The following ARL8B variants were observed in gnomAD, a reference collection of about 807,000 sequenced individuals.
ARL8B encodes the protein ADP-ribosylation factor-like protein 8B.
Under a neutral mutation model 30.6 loss-of-function variants are expected in ARL8B, and 9 were observed. The observed-to-expected ratio is 0.29, with a 90% confidence interval of 0.18 to 0.51. The LOEUF is 0.51. Ranked by LOEUF, ARL8B falls within the 20% of genes least tolerant of loss-of-function variation. The pLI, the probability that ARL8B is intolerant of heterozygous loss-of-function variation, is 0.97. For synonymous variants in ARL8B, 74 were observed against 76.0 expected (o/e 0.97, Z 0.14); for missense variants, 130 against 227.2 (o/e 0.57, Z 2.75).
At chr3:5,176,126 G>A (rs554281804) in intron 6 of ARL8B, among the ~76,000 whole-genome samples, 145 of 152,312 alleles carry the variant, frequency 9.5e-4, no homozygotes, top group African/African-American at 3.4e-3. Context: ...AATAGTACCA[G>A]AATAGTATAT....
chr3:5,122,417 C>A lies in ARL8B; in HGVS notation c.-49C>A, dbSNP rs1438410347. 6.2e-7 allele frequency: 1 copy of A among 1,608,646 alleles called. No homozygotes were observed. Reference sequence around the variant, plus strand: ...GGCCCGCTCGTGTGGAAGTCGTCGACGCCGCCGCTCGTCCGTCCTCCCGTC... The same window carrying A: ...GGCCCGCTCGTGTGGAAGTCGTCGAAGCCGCCGCTCGTCCGTCCTCCCGTC... On this transcript the variant is annotated 5_prime_UTR_variant, in exon 1 of 7. Coordinates refer to ENST00000256496, the MANE Select transcript of ARL8B (RefSeq NM_018184.3).
intron 1 of ARL8B, among the ~76,000 whole-genome samples, chr3:5,129,539 T>C (rs1358632269): frequency 6.6e-6 from 1 of 152,166 alleles, no homozygotes; most frequent in Non-Finnish European, 1.5e-5. Context: ...CTGATAACTA[T>C]AGAGAACATA....
rs763392421 is a variant in ARL8B at position 5,172,690 on chromosome 3, C to G, written c.322C>G (p.Arg108Gly). ...AADREKIEAS[R>G]NELHNLLDKP... ...AGATCGTGAAAAGATAGAAGCTTCC[C>G]GAAATGAGCTACATAATCTTCTAGA... The change falls in exon 4 of 7, where the codon CGA becomes GGA. Residue 108 changes from arginine to glycine, a missense_variant. Arg to Gly is a moderately radical substitution (Grantham distance 125). Transcript: ENST00000256496. 1.9e-6 allele frequency: 3 copies of G among 1,611,880 alleles called. No homozygotes were observed. The highest frequency in any genetic ancestry group is 1.3e-5 in the African/African-American group (1 of 74,818).
intron 1 of ARL8B, among the ~76,000 whole-genome samples, chr3:5,141,537 T>C (rs1463614855): frequency 6.6e-6 from 1 of 152,188 alleles, no homozygotes; most frequent in Admixed American, 6.5e-5. Flanking sequence ...CTGCTACAAT[T>C]ATGAGAGATG....
intron 6 of ARL8B, among the ~76,000 whole-genome samples, chr3:5,174,732 A>T (rs62255887): frequency 7.1e-6 from 1 of 140,892 alleles, no homozygotes; most frequent in Non-Finnish European, 1.5e-5. Flanking sequence ...ATTATATGTA[A>T]TATATATGTA....
In ARL8B at chr3:5,122,497, G is replaced by T; in HGVS notation, c.32G>T (p.Trp11Leu). 1 of 1,613,732 alleles carries T rather than the reference G, an allele frequency of 6.2e-7. No individual in the cohort carries two copies. The highest frequency in any genetic ancestry group is 8.5e-7 in the Non-Finnish European group (1 of 1,179,790). Residue 11 changes from tryptophan to leucine, a missense_variant, in exon 1 of 7, where the codon TGG (tryptophan) becomes TTG (leucine). Transcript: ENST00000256496. ...GCGCTCATCTCCCGCCTGCTGGACT[G>T]GTTCCGTTCGCTCTTCTGGAAGGAA... Reference protein sequence around the residue: MLALISRLLDWFRSLFWKEEM... With the variant: MLALISRLLDLFRSLFWKEEM...
intron 1 of ARL8B, among the ~76,000 whole-genome samples, chr3:5,147,413 C>A (rs1181889006): frequency 6.6e-6 from 1 of 152,132 alleles, no homozygotes; most frequent in Non-Finnish European, 1.5e-5. Flanking sequence ...CATTGTTGGA[C>A]ATTTGGGTTG....
intron 1 of ARL8B, among the ~76,000 whole-genome samples, chr3:5,150,463 AAAATAAAT>A (rs4054853): frequency 6.8e-5 from 10 of 146,060 alleles, no homozygotes; most frequent in Admixed American, 2.0e-4. Flanking sequence ...AATCCATGTC[AAAATAAAT>A]AAATAAATAA....
intron 1 of ARL8B, among the ~76,000 whole-genome samples, chr3:5,130,089 C>G (rs1443299595): frequency 6.6e-6 from 1 of 152,152 alleles, no homozygotes; most frequent in African/African-American, 2.4e-5. Flanking sequence ...ACCTCGAACT[C>G]CTGACCTCAG....
intron 1 of ARL8B, among the ~76,000 whole-genome samples, chr3:5,154,907 G>GTTTC (rs1422691072): frequency 6.6e-6 from 1 of 151,778 alleles, no homozygotes; most frequent in Non-Finnish European, 1.5e-5. Flanking sequence ...TTGTTTGTTT[G>GTTTC]TTTTTAAAGT....
intron 1 of ARL8B, among the ~76,000 whole-genome samples, chr3:5,146,558 C>G (rs962373722): frequency 1.9e-4 from 29 of 152,124 alleles, no homozygotes; most frequent in African/African-American, 6.8e-4. Context: ...ATTTTTAACC[C>G]TCTGCTGTTG....
At chr3:5,122,689 C>A in intron 1 of ARL8B, 101 bp downstream of exon 1, 1 of 1,334,810 alleles carries the variant, frequency 7.5e-7, no homozygotes, top group Non-Finnish European at 1.0e-6. Flanking sequence ...CGCGATGGGA[C>A]TGATGGCGGG....
rs765419859 is a variant in ARL8B at position 5,122,462 on chromosome 3, C to T, written c.-4C>T. 1 of 1,613,018 alleles carries T rather than the reference C, an allele frequency of 6.2e-7. No individual in the cohort carries two copies. The highest frequency in any genetic ancestry group is 2.2e-5 in the East Asian group (1 of 44,870). On this transcript the variant is annotated 5_prime_UTR_variant, in exon 1 of 7. Transcript: ENST00000256496. ...CCCGTCCGTTCTCGCTCCCGGCCGC[C>T]ATCATGCTGGCGCTCATCTCCCGCC...
At chr3:5,141,984 C>T (rs1042984430) in intron 1 of ARL8B, among the ~76,000 whole-genome samples, 4 of 152,190 alleles carry the variant, frequency 2.6e-5, no homozygotes, top group African/African-American at 7.2e-5. Flanking sequence ...ATTCGGCACT[C>T]CCCTAGGGAC....
chr3:5,128,162 C>CAAA (rs35084667), intron 1 of ARL8B, among the ~76,000 whole-genome samples: 19 of 53,060 alleles, frequency 3.6e-4, no homozygotes, highest in African/African-American at 9.4e-4. Flanking sequence ...AAATCCGTCT[C>CAAA]AAAAAAAAAA....
chr3:5,170,618 T>G (rs1209644546), intron 2 of ARL8B, 35 bp downstream of exon 2: 3 of 1,506,648 alleles, frequency 2.0e-6, no homozygotes, highest in African/African-American at 2.8e-5. Context: ...ATTTAAATTG[T>G]TAGCACAGAC....
chr3:5,171,567 C>G (rs565099254), intron 2 of ARL8B, among the ~76,000 whole-genome samples: 1 of 152,024 alleles, frequency 6.6e-6, no homozygotes, highest in African/African-American at 2.4e-5. Context: ...AGGCTGGTCT[C>G]GAACTCCTGA....
chr3:5,145,768 CA>C (rs2054413657), intron 1 of ARL8B, among the ~76,000 whole-genome samples: 1 of 152,200 alleles, frequency 6.6e-6, no homozygotes, highest in South Asian at 2.1e-4. Flanking sequence ...CTATAACCTA[CA>C]ACAGCCAGTT....
intron 1 of ARL8B, among the ~76,000 whole-genome samples, chr3:5,141,158 C>T (rs951225307): frequency 5.3e-5 from 8 of 152,200 alleles, no homozygotes; most frequent in Non-Finnish European, 1.2e-4. Flanking sequence ...CCCTCCTCTA[C>T]ATTCTGTTCA....
Sources: gnomAD v4.1 joint callset for allele counts (sites outside exome capture counted in the v4.1 genomes callset) on GRCh38, gnomAD v4.1.1 for gene constraint, MANE v1.5 for transcripts, NCBI Gene and HGNC (gene_info 2026-07-23, HGNC 2026-07-21) for gene names.